HFM1: variants seen among roughly 807,000 people sequenced by gnomAD.
HFM1 encodes the protein helicase for meiosis 1, also known as probable ATP-dependent DNA helicase HFM1.
HFM1 carries 169 observed loss-of-function variants against 192.1 expected under a neutral mutation model. The ratio of observed to expected loss-of-function variants is 0.88; its 90% CI spans 0.78 to 1.00. The LOEUF (loss-of-function observed/expected upper bound fraction) is 1.00, where lower values mean the gene tolerates loss of function less well. Ranked by LOEUF, HFM1 falls within the 50% of genes least tolerant of loss-of-function variation. HFM1 has a pLI of 0.00. For synonymous variants in HFM1, 525 were observed against 537.8 expected (o/e 0.98, Z 0.33); for missense variants, 1,661 against 1,668.0 (o/e 1.00, Z 0.07).
intron 13 of HFM1, among the ~76,000 whole-genome samples, chr1:91,363,141 C>T (rs35462750): frequency 0.2 from 31,126 of 151,926 alleles, 3,816 homozygotes; most frequent in South Asian, 0.35. Flanking sequence ...AAGAAAACAC[C>T]AAAAGCAATT....
At chr1:91,321,090 T>G (rs1228472515) in intron 23 of HFM1, among the ~76,000 whole-genome samples, 1 of 152,132 alleles carries the variant, frequency 6.6e-6, no homozygotes, top group Non-Finnish European at 1.5e-5. Flanking sequence ...ACAGAGCTAG[T>G]GCTGAAGAGG....
chr1:91,362,637 C>T (rs1658666221), intron 13 of HFM1, among the ~76,000 whole-genome samples: 1 of 152,122 alleles, frequency 6.6e-6, no homozygotes. Context: ...TTTATAGATT[C>T]AATGCTGTTC....
intron 4 of HFM1, 65 bp downstream of exon 4, chr1:91,394,028 C>G: frequency 3.3e-6 from 3 of 907,984 alleles, no homozygotes; most frequent in South Asian, 2.0e-5. Flanking sequence ...ATATTTAATA[C>G]TTTTATATGT....
At chr1:91,372,362 G>T (rs1446165214) in intron 13 of HFM1, among the ~76,000 whole-genome samples, 1 of 152,180 alleles carries the variant, frequency 6.6e-6, no homozygotes, top group East Asian at 1.9e-4. Flanking sequence ...TGATAGACTG[G>T]ATTAAGAAAA....
chr1:91,318,065 AT>A (rs5776096), intron 25 of HFM1, among the ~76,000 whole-genome samples: 105,696 of 151,492 alleles, frequency 0.7, 37,126 homozygotes, highest in East Asian at 0.83. Context: ...ACTTAGCCGA[AT>A]TTCAAAATTT....
chr1:91,266,245 A>T, intron 35 of HFM1, 138 bp from the exon 36 acceptor site: 2 of 647,320 alleles, frequency 3.1e-6, no homozygotes, highest in East Asian at 6.4e-5. Context: ...ACCTAATTTA[A>T]TTTGCATAGA....
chr1:91,266,200 G>T, intron 35 of HFM1, 93 bp from the exon 36 acceptor site: 1 of 923,712 alleles, frequency 1.1e-6, no homozygotes, highest in Non-Finnish European at 1.7e-6. Flanking sequence ...CAACAGATAT[G>T]ATCTGATTAA....
At chr1:91,308,761 AT>A (rs1650014223) in intron 30 of HFM1, among the ~76,000 whole-genome samples, 1 of 152,146 alleles carries the variant, frequency 6.6e-6, no homozygotes, top group African/African-American at 2.4e-5. Flanking sequence ...GGGCCTCACA[AT>A]TTTTTTATCA....
Position 91,267,804 on chromosome 1 carries a change from T to C in HFM1, c.3824A>G (p.Asp1275Gly). 6.3e-7 allele frequency: 1 copy of C among 1,581,090 alleles called. No individual in the cohort carries two copies. The highest frequency in any genetic ancestry group is 8.6e-7 in the Non-Finnish European group (1 of 1,168,584). Residue 1275 changes from aspartate (D) to glycine (G), a missense_variant, in exon 35 of 39, where the codon GAT becomes GGT. Coordinates refer to ENST00000370425, the MANE Select transcript of HFM1 (RefSeq NM_001017975.6). The part of the protein sequence containing the change: ...ELGNEVWDDF[D>G]DENLEVTSFS... ...GCTAGTAACTTCTAAGTTTTCATCA[T>C]CAAAATCATCCCAAACTTCATTTCC...
chr1:91,313,860 C>T (rs1650832499), intron 29 of HFM1, 97 bp downstream of exon 29: 1 of 617,362 alleles, frequency 1.6e-6, no homozygotes, highest in Non-Finnish European at 2.8e-6. Flanking sequence ...TTGCATAATA[C>T]CATTTATACT....
intron 29 of HFM1, 62 bp from the exon 30 acceptor site, chr1:91,313,557 A>C: frequency 8.8e-7 from 1 of 1,137,446 alleles, no homozygotes; most frequent in Non-Finnish European, 1.2e-6. Context: ...ATATGAGAAC[A>C]CTTATTTCTT....
At chr1:91,296,437 G>C (rs982352475) in intron 30 of HFM1, among the ~76,000 whole-genome samples, 1 of 152,010 alleles carries the variant, frequency 6.6e-6, no homozygotes, top group African/African-American at 2.4e-5. Context: ...AACAGGTCTT[G>C]ATATCTAGTA....
At chr1:91,362,941 T>C (rs1658713151) in intron 13 of HFM1, among the ~76,000 whole-genome samples, 1 of 152,090 alleles carries the variant, frequency 6.6e-6, no homozygotes, top group East Asian at 1.9e-4. Context: ...ACACCCTATT[T>C]AATAAATGGT....
chr1:91,320,706 A>G (rs1464091748), intron 23 of HFM1, among the ~76,000 whole-genome samples: 7 of 152,198 alleles, frequency 4.6e-5, no homozygotes, highest in Admixed American at 3.9e-4. Context: ...TAGTAGGTAC[A>G]GAACCATGGC....
At chr1:91,362,131 C>A (rs1289894983) in intron 13 of HFM1, among the ~76,000 whole-genome samples, 3 of 152,108 alleles carry the variant, frequency 2.0e-5, no homozygotes, top group African/African-American at 4.8e-5. Context: ...TGAAAACTGG[C>A]ACAAGAAAAG....
intron 27 of HFM1, 44 bp from the exon 28 acceptor site, chr1:91,316,016 C>A: frequency 6.7e-7 from 1 of 1,500,970 alleles, no homozygotes; most frequent in African/African-American, 1.4e-5. Flanking sequence ...AATAACCTTA[C>A]TTCTCATACT....
chr1:91,281,693 G>C (rs1194529212), intron 30 of HFM1, among the ~76,000 whole-genome samples: 1 of 152,166 alleles, frequency 6.6e-6, no homozygotes, highest in African/African-American at 2.4e-5. Context: ...TAGAACATAA[G>C]GTTGAAAATC....
chr1:91,347,090 C>G (rs758505846), intron 19 of HFM1, among the ~76,000 whole-genome samples: 2 of 152,014 alleles, frequency 1.3e-5, no homozygotes, highest in Non-Finnish European at 2.9e-5. Context: ...TCCTGGGTGA[C>G]AGAGTAAGAC....
At chr1:91,262,749 T>C (rs1387670614) in intron 36 of HFM1, among the ~76,000 whole-genome samples, 157 bp from the exon 37 acceptor site, 1 of 152,150 alleles carries the variant, frequency 6.6e-6, no homozygotes, top group Non-Finnish European at 1.5e-5. Context: ...GCTTGGTATA[T>C]TTCCTTTCCT....
Sources: allele counts gnomAD v4.1 joint callset (sites outside exome capture counted in the v4.1 genomes callset), GRCh38; gene constraint gnomAD v4.1.1; transcripts MANE v1.5; gene names NCBI Gene and HGNC (gene_info 2026-07-23, HGNC 2026-07-21).